Variants in NXPH1 observed in about 807,000 individuals in gnomAD.
The protein encoded by NXPH1 is neurexophilin 1.
In NXPH1, 5 loss-of-function variants were observed where a neutral mutation model predicts 23.7. The ratio of observed to expected loss-of-function variants is 0.21; its 90% CI spans 0.11 to 0.44. The LOEUF (loss-of-function observed/expected upper bound fraction) is 0.44. Among genes scored for constraint, NXPH1 ranks in the 20% least tolerant of loss-of-function variants. NXPH1 has a pLI of 0.99. For missense variants in NXPH1, 324 were observed against 321.6 expected (o/e 1.01, Z -0.06); for synonymous variants, 144 against 122.2 (o/e 1.18, Z -1.18).
intron 2 of NXPH1, among the ~76,000 whole-genome samples, chr7:8,511,785 G>A (rs1171826629): frequency 6.6e-6 from 1 of 152,168 alleles, no homozygotes; most frequent in Admixed American, 6.5e-5. Context: ...CACACAGCAA[G>A]TTTGTAGACC....
At chr7:8,690,236 G>T (rs2115182874) in intron 2 of NXPH1, 1 of 152,270 alleles carries the variant, frequency 6.6e-6, no homozygotes, top group Admixed American at 6.5e-5. Flanking sequence ...TGATTATCTT[G>T]TTTAGTAGTC....
rs1424880912 is a variant in NXPH1 at position 8,710,647 on chromosome 7, GTTTTTTT to G, written c.55-40341_55-40335del. Among the ~76,000 whole-genome samples, 37 of 51,718 alleles carry G rather than the reference GTTTTTTT, an allele frequency of 7.2e-4. 10 individuals carry two copies. Among genetic ancestry groups the G allele is most frequent in the African/African-American group, 2.9e-3 (37 of 12,886 alleles). The allele number at this position is 51,718 out of a possible 152,430, so 33.9% of individuals were successfully genotyped here. On this transcript the variant is annotated intron_variant, in intron 2 of 2. Transcript: ENST00000405863. Reference sequence around the variant, plus strand: ...AAGCATGTCAACTGTTACGTTTTTTGTTTTTTTTTTTTTTTTTTTTTTTTTTGAGACG... The same window carrying G: ...AAGCATGTCAACTGTTACGTTTTTTGTTTTTTTTTTTTTTTTTTTGAGACG...
rs368219961 is a variant in NXPH1, at chr7:8,751,027, C to T, written c.74C>T (p.Thr25Met). Reference sequence around the variant, plus strand: ...TTTCAGGTCACATGTGCCAATTTAACGAACGGTGGAAAGTCAGAACTTCTG... The same window carrying T: ...TTTCAGGTCACATGTGCCAATTTAATGAACGGTGGAAAGTCAGAACTTCTG... The part of the protein sequence containing the change: ...TVYLVTCANL[T>M]NGGKSELLKS... Residue 25 changes from threonine to methionine, a missense_variant, in exon 3 of 3, where the codon ACG (threonine) becomes ATG (methionine). Thr to Met is a moderately conservative substitution (Grantham distance 81). Coordinates refer to ENST00000405863, the MANE Select transcript of NXPH1 (RefSeq NM_152745.3). This position sits in a 1 kb window ranked among gnomAD's most constrained non-coding sequence, Gnocchi z 4.5. 3.1e-5 allele frequency: 50 copies of T among 1,613,424 alleles called. No homozygotes were observed. The highest frequency in any genetic ancestry group is 5.3e-5 in the African/African-American group (4 of 74,894).
At chr7:8,736,799 T>C (rs1780264781) in intron 2 of NXPH1, among the ~76,000 whole-genome samples, 1 of 152,226 alleles carries the variant, frequency 6.6e-6, no homozygotes, top group Non-Finnish European at 1.5e-5. Flanking sequence ...GCTTTATGAA[T>C]ATGGGTGCTC....
chr7:8,669,438 G>T (rs1264636319), intron 2 of NXPH1, among the ~76,000 whole-genome samples: 1 of 151,978 alleles, frequency 6.6e-6, no homozygotes, highest in East Asian at 1.9e-4. Flanking sequence ...CCGAATCTCA[G>T]ACCTGGCTTG....
At chr7:8,602,650 T>C (rs1009086273) in intron 2 of NXPH1, among the ~76,000 whole-genome samples, 8 of 152,194 alleles carry the variant, frequency 5.3e-5, no homozygotes, top group Non-Finnish European at 1.2e-4. Context: ...TTTTCTCTAC[T>C]AGATTTCAAG....
intron 2 of NXPH1, among the ~76,000 whole-genome samples, chr7:8,483,706 C>T (rs995443096): frequency 6.6e-6 from 1 of 152,118 alleles, no homozygotes; most frequent in Non-Finnish European, 1.5e-5. Flanking sequence ...CAGAGGCCTG[C>T]CTGTTTGACC....
intron 2 of NXPH1, among the ~76,000 whole-genome samples, chr7:8,677,505 C>A (rs1017377865): frequency 2.0e-5 from 3 of 152,098 alleles, no homozygotes; most frequent in African/African-American, 7.2e-5. Flanking sequence ...GGACAGATGC[C>A]AGCCACAGAC....
chr7:8,521,403 T>A (rs1817769318), intron 2 of NXPH1, among the ~76,000 whole-genome samples: 2 of 152,154 alleles, frequency 1.3e-5, no homozygotes, highest in South Asian at 4.1e-4. Context: ...TGGAACTGTG[T>A]GATGAATTCT....
intron 2 of NXPH1, among the ~76,000 whole-genome samples, chr7:8,560,612 G>C (rs865819649): frequency 5.9e-5 from 9 of 151,648 alleles, no homozygotes; most frequent in East Asian, 3.9e-4. Flanking sequence ...AATCAAGGAA[G>C]GGGGAGAGTG....
intron 2 of NXPH1, among the ~76,000 whole-genome samples, chr7:8,507,617 A>G (rs918994555): frequency 1.3e-5 from 2 of 152,118 alleles, no homozygotes; most frequent in Admixed American, 6.6e-5. Flanking sequence ...CACATGTTTC[A>G]TAATCTTCTA....
chr7:8,652,579 A>T (rs1820506574), intron 2 of NXPH1, among the ~76,000 whole-genome samples: 1 of 152,176 alleles, frequency 6.6e-6, no homozygotes, highest in Non-Finnish European at 1.5e-5. Context: ...ATTTTTGAGC[A>T]CCTACTATGT....
At chr7:8,604,764 C>A (rs958747137) in intron 2 of NXPH1, among the ~76,000 whole-genome samples, 5 of 152,064 alleles carry the variant, frequency 3.3e-5, no homozygotes, top group African/African-American at 1.2e-4. Context: ...ATAGCATAAA[C>A]AAATACCAGT....
intron 2 of NXPH1, among the ~76,000 whole-genome samples, chr7:8,635,546 T>A (rs1260929181): frequency 3.3e-5 from 5 of 152,136 alleles, no homozygotes; most frequent in African/African-American, 1.2e-4. Flanking sequence ...GTTATGGGTA[T>A]AGAAAAAAGA....
chr7:8,586,935 T>C (rs1818992097), intron 2 of NXPH1, among the ~76,000 whole-genome samples: 1 of 152,110 alleles, frequency 6.6e-6, no homozygotes, highest in African/African-American at 2.4e-5. Flanking sequence ...TGACATTAGG[T>C]AAATATTCCA....
chr7:8,624,013 G>A (rs1285426933), intron 2 of NXPH1, among the ~76,000 whole-genome samples: 1 of 151,946 alleles, frequency 6.6e-6, no homozygotes, highest in Non-Finnish European at 1.5e-5. Flanking sequence ...ATTTTTTGGT[G>A]TGTTCAAGAT....
intron 2 of NXPH1, among the ~76,000 whole-genome samples, chr7:8,504,457 A>G (rs1817488952): frequency 6.6e-6 from 1 of 152,014 alleles, no homozygotes; most frequent in Non-Finnish European, 1.5e-5. Flanking sequence ...CAGAAATTTT[A>G]CTTAGAAAAA....
chr7:8,492,540 G>A (rs1817265658), intron 2 of NXPH1, among the ~76,000 whole-genome samples: 1 of 151,840 alleles, frequency 6.6e-6, no homozygotes, highest in African/African-American at 2.4e-5. Flanking sequence ...AGGTTTTGGG[G>A]GACACAATGG....
At chr7:8,726,692 T>A (rs1258739282) in intron 2 of NXPH1, among the ~76,000 whole-genome samples, 24 of 149,608 alleles carry the variant, frequency 1.6e-4, no homozygotes, top group Middle Eastern at 3.4e-3. Flanking sequence ...TGCATAGTAT[T>A]CCATGGTGTA....
Sources: gnomAD v4.1 joint callset for allele counts (sites outside exome capture counted in the v4.1 genomes callset) on GRCh38, gnomAD v4.1.1 for gene constraint, Gnocchi (gnomAD v3.1) non-coding constraint, MANE v1.5 for transcripts, NCBI Gene and HGNC (gene_info 2026-07-23, HGNC 2026-07-21) for gene names.